Variants in PHF21A observed in about 807,000 individuals in gnomAD.
PHF21A encodes PHD finger protein 21A, also known as BHC80a.
A neutral mutation model predicts 82.5 loss-of-function variants in PHF21A; 11 were observed. The ratio of observed to expected loss-of-function variants is 0.13; its 90% confidence interval spans 0.08 to 0.22. The LOEUF (loss-of-function observed/expected upper bound fraction) is 0.22. Ranked by LOEUF, PHF21A falls within the 10% of genes least tolerant of loss-of-function variation. The probability of loss-of-function intolerance (pLI) is 1.00; values close to 1 mark genes in which losing one functional copy is unlikely to be tolerated. For missense variants in PHF21A, 579 were observed against 837.8 expected, an observed-to-expected ratio of 0.69 and a Z score of 3.81; for synonymous variants, 297 against 302.8, an observed-to-expected ratio of 0.98 and a Z score of 0.20.
intron 6 of PHF21A, among the ~76,000 whole-genome samples, chr11:46,024,676 C>T (rs1418299094): frequency 6.6e-6 from 1 of 152,084 alleles, no homozygotes; most frequent in Admixed American, 6.5e-5. Context: ...TGGCACACGC[C>T]TATAATCCCA....
Position 45,929,340 on chromosome 11 carries a change from A to C in PHF21A, c.*4628T>G. On this transcript the variant is annotated 3_prime_UTR_variant, in exon 19 of 19. Transcript: ENST00000676320. ...AGGCTGAGAGGCTTTATTTGGCTTT[A>C]TTTAGTAAAATGTTAAAATAAATAA... 6.3e-6 allele frequency: 1 copy of C among 158,132 alleles called. No individual in the cohort carries two copies. Among genetic ancestry groups the C allele is most frequent in the Non-Finnish European group, 1.4e-5 (1 of 71,974 alleles). The allele number at this position is 158,132 out of a possible 1,614,324, so 9.8% of individuals were successfully genotyped here.
At chr11:46,058,456 T>G (rs1207046295) in intron 6 of PHF21A, among the ~76,000 whole-genome samples, 1 of 152,220 alleles carries the variant, frequency 6.6e-6, no homozygotes, top group Non-Finnish European at 1.5e-5. Flanking sequence ...AGGACTGATA[T>G]ATTCTCAGCA....
intron 6 of PHF21A, among the ~76,000 whole-genome samples, chr11:45,994,494 ATCAGGCAAGACCAGGGC>A (rs1459338436): frequency 1.3e-5 from 2 of 152,134 alleles, no homozygotes; most frequent in Admixed American, 6.6e-5. Flanking sequence ...TCCTCCACGT[ATCAGGCAAGACCAGGGC>A]TCAGTCAGTA....
chr11:46,090,268 T>C (rs953127584), intron 3 of PHF21A, among the ~76,000 whole-genome samples, 187 bp downstream of exon 3: 3 of 152,080 alleles, frequency 2.0e-5, no homozygotes, highest in Non-Finnish European at 2.9e-5. Context: ...AAAAAAACTG[T>C]CCAGACAAGC....
At position 46,068,578 on chromosome 11, in the gene PHF21A, G is replaced by C. The variant is rs2096621334; in HGVS notation, c.153+8176C>G. 2.0e-5 allele frequency among the ~76,000 whole-genome samples: 3 copies of C among 151,938 alleles called. No individual in the cohort carries two copies. The South Asian group carries it at 6.2e-4, about 32-fold the overall frequency. The stretch of plus-strand genomic sequence containing the variant: ...AAAAGAAAAAAGACAGATACCACAG[G>C]CTTGAAAAACATTCCACAAACTTGG... On this transcript the variant is annotated intron_variant, in intron 6 of 18. Transcript: ENST00000676320.
chr11:46,000,389 A>G (rs1341898406), intron 6 of PHF21A, among the ~76,000 whole-genome samples: 3 of 152,230 alleles, frequency 2.0e-5, no homozygotes, highest in Non-Finnish European at 4.4e-5. Context: ...TAGTACTCAT[A>G]GCACTTCTGA....
rs140291263 is a variant in PHF21A, at chr11:45,983,476, A to G, written c.154-3510T>C. Among the ~76,000 whole-genome samples the G allele has an allele frequency of 4.1e-3, 623 of 152,134 alleles. 4 individuals carry two copies. Among genetic ancestry groups the G allele is most frequent in the African/African-American group, 0.014 (578 of 41,514 alleles). On this transcript the variant is annotated intron_variant, in intron 6 of 18. Transcript: ENST00000676320. ...TAGAATACTGCGTGTGTGGTTATAC[A>G]TGTCTGTTGCTATCTGTGAAAAAAA...
At chr11:45,970,546 T>C (rs1439813913) in intron 8 of PHF21A, 1 of 151,890 alleles carries the variant, frequency 6.6e-6, no homozygotes, top group Non-Finnish European at 1.5e-5. Flanking sequence ...AGAACTCTCA[T>C]GAAAATTCTT....
chr11:45,955,753 G>A (rs1235485543), intron 10 of PHF21A, among the ~76,000 whole-genome samples: 4 of 152,148 alleles, frequency 2.6e-5, no homozygotes, highest in Admixed American at 6.5e-5. Context: ...TCTTTCCTTC[G>A]TGGATCTCTT....
At chr11:45,976,636 G>A (rs566064743) in intron 7 of PHF21A, among the ~76,000 whole-genome samples, 4 of 152,190 alleles carry the variant, frequency 2.6e-5, no homozygotes, top group Non-Finnish European at 5.9e-5. Context: ...GAGCTCCGGA[G>A]TTTGAGACCA....
intron 7 of PHF21A, 89 bp downstream of exon 7, chr11:45,979,671 G>T: frequency 6.3e-7 from 1 of 1,580,132 alleles, no homozygotes; most frequent in South Asian, 1.1e-5. Flanking sequence ...GCTGAGCTTA[G>T]TATAGTGTGA....
intron 7 of PHF21A, 75 bp from the exon 8 acceptor site, chr11:45,971,442 T>C: frequency 3.0e-6 from 4 of 1,312,102 alleles, no homozygotes; most frequent in Middle Eastern, 2.6e-4. Context: ...CTAAACAATA[T>C]GCTGCTTAAC....
At chr11:45,950,444 T>C (rs1344434672) in intron 11 of PHF21A, among the ~76,000 whole-genome samples, 187 bp from the exon 12 acceptor site, 1 of 152,088 alleles carries the variant, frequency 6.6e-6, no homozygotes, top group Non-Finnish European at 1.5e-5. Context: ...CTTGGCTTCC[T>C]TCAATGTGGG....
At chr11:46,047,913 C>A (rs2096280286) in intron 6 of PHF21A, among the ~76,000 whole-genome samples, 1 of 152,178 alleles carries the variant, frequency 6.6e-6, no homozygotes, top group South Asian at 2.1e-4. Flanking sequence ...CTAGCCAGTA[C>A]AATTTTGAAT....
chr11:46,096,542 T>G (rs557320058), intron 1 of PHF21A, among the ~76,000 whole-genome samples: 1 of 152,238 alleles, frequency 6.6e-6, no homozygotes, highest in East Asian at 1.9e-4. Flanking sequence ...GACCCACTGC[T>G]CATTTCTTCC....
chr11:46,050,882 G>T lies in PHF21A; in HGVS notation c.153+25872C>A, dbSNP rs750416828. 7.0e-4 allele frequency among the ~76,000 whole-genome samples: 106 copies of T among 152,192 alleles called. 3 individuals carry two copies. The highest frequency in any genetic ancestry group is 3.2e-4 in the Non-Finnish European group (22 of 68,030). ...ATACACCCCTCTCTACTATTTGCCA[G>T]AGAGGCAGCTGCTGGATTAACATGA... is the stretch of plus-strand genomic sequence containing the variant. On this transcript the variant is annotated intron_variant, in intron 6 of 18. Coordinates refer to ENST00000676320, the MANE Select transcript of PHF21A (RefSeq NM_001352027.3).
chr11:46,113,017 A>G (rs989841274), intron 1 of PHF21A, among the ~76,000 whole-genome samples: 4 of 152,246 alleles, frequency 2.6e-5, no homozygotes, highest in Non-Finnish European at 4.4e-5. Context: ...TTTGAGCAGC[A>G]TAATAATCAT....
intron 10 of PHF21A, among the ~76,000 whole-genome samples, chr11:45,961,860 A>C (rs2093104096): frequency 6.6e-6 from 1 of 152,252 alleles, no homozygotes; most frequent in Admixed American, 6.5e-5. Context: ...TTTTCTGTCT[A>C]AAACGAGTCT....
At chr11:45,948,096 C>G (rs1432510344) in intron 14 of PHF21A, among the ~76,000 whole-genome samples, 1 of 152,178 alleles carries the variant, frequency 6.6e-6, no homozygotes, top group Non-Finnish European at 1.5e-5. Flanking sequence ...TAGCCTGCAA[C>G]TATAATTCAG....
Sources: allele counts gnomAD v4.1 joint callset (sites outside exome capture counted in the v4.1 genomes callset), GRCh38; gene constraint gnomAD v4.1.1; transcripts MANE v1.5; gene names NCBI Gene and HGNC (gene_info 2026-07-23, HGNC 2026-07-21).